The following GRK5 variants were observed in gnomAD, a reference collection of about 807,000 sequenced individuals.
GRK5 encodes the protein G protein-coupled receptor kinase 5, also known as g protein-coupled receptor kinase GRK5.
Under a neutral mutation model 78.4 loss-of-function variants are expected in GRK5, and 40 were observed. The observed-to-expected ratio is 0.51, with a 90% CI of 0.40 to 0.66. The LOEUF (loss-of-function observed/expected upper bound fraction) is 0.66. Ranked by LOEUF, GRK5 falls within the 30% of genes least tolerant of loss-of-function variation. The pLI is 0.00. For synonymous variants in GRK5, 289 were observed against 296.8 expected (o/e 0.97, Z 0.27); for missense variants, 598 against 759.9 (o/e 0.79, Z 2.50).
rs376361864 is a variant in GRK5 at position 119,320,740 on chromosome 10, C to T, written c.53-5776C>T. 3.5e-4 allele frequency among the ~76,000 whole-genome samples: 54 copies of T among 152,330 alleles called. 2 individuals carry two copies. Among genetic ancestry groups the T allele is most frequent in the African/African-American group, 1.2e-3 (51 of 41,586 alleles). On this transcript the variant is annotated intron_variant, in intron 1 of 15. Coordinates refer to ENST00000392870, the MANE Select transcript of GRK5 (RefSeq NM_005308.3). ...AAATAAAGCTTAGGAAGACAGTCAC[C>T]GAGGCCCTGAATGGGACCAAGGAGA...
Position 119,253,850 on chromosome 10 carries a change from GT to G in GRK5, c.52+45882del, listed in dbSNP as rs1849239870. Reference sequence around the variant, plus strand: ...CCTGGTGGTTCTTTGCCCCAGGGGTGTGTGTGTGTGTGTGTGTGTGTGTACA... The same window carrying G: ...CCTGGTGGTTCTTTGCCCCAGGGGTGGTGTGTGTGTGTGTGTGTGTGTACA... On this transcript the variant is annotated intron_variant, in intron 1 of 15. Coordinates refer to ENST00000392870, the MANE Select transcript of GRK5 (RefSeq NM_005308.3). The surrounding 1 kb of genome is among the most constrained non-coding windows in gnomAD (Gnocchi z 5.7). Among the ~76,000 whole-genome samples, 90 of 5,058 alleles carry G rather than the reference GT, an allele frequency of 0.018. 1 individual carries two copies. Among genetic ancestry groups the G allele is most frequent in the Non-Finnish European group, 0.032 (77 of 2,400 alleles). The allele number at this position is 5,058 out of a possible 152,430, so 3.3% of individuals were successfully genotyped here.
At chr10:119,384,076 C>T (rs544499594) in intron 3 of GRK5, among the ~76,000 whole-genome samples, 1 of 152,202 alleles carries the variant, frequency 6.6e-6, no homozygotes, top group Non-Finnish European at 1.5e-5. Context: ...CGGAGTCTTT[C>T]TTCAGCTCTG....
intron 1 of GRK5, among the ~76,000 whole-genome samples, chr10:119,237,562 A>AT (rs1294398793): frequency 6.6e-6 from 1 of 152,216 alleles, no homozygotes; most frequent in African/African-American, 2.4e-5. Flanking sequence ...GATGGCAGGC[A>AT]TTGATTTGGA....
At chr10:119,283,192 A>G (rs1042602758) in intron 1 of GRK5, among the ~76,000 whole-genome samples, 5 of 152,024 alleles carry the variant, frequency 3.3e-5, no homozygotes, top group African/African-American at 1.2e-4. Flanking sequence ...CAAAAACAAC[A>G]TAGCAATATA....
intron 2 of GRK5, among the ~76,000 whole-genome samples, chr10:119,346,781 C>T (rs7912372): frequency 0.013 from 2,010 of 152,288 alleles, 37 homozygotes; most frequent in African/African-American, 0.041. Flanking sequence ...GCAGAGGCAA[C>T]GGGAGGAACC....
chr10:119,405,863 A>G (rs1250248664), intron 4 of GRK5, among the ~76,000 whole-genome samples: 2 of 152,236 alleles, frequency 1.3e-5, no homozygotes, highest in African/African-American at 4.8e-5. Flanking sequence ...TTTTCTTTAA[A>G]TCAACTTATC....
intron 12 of GRK5, among the ~76,000 whole-genome samples, chr10:119,444,883 T>C (rs1427001585): frequency 1.3e-5 from 2 of 152,180 alleles, no homozygotes; most frequent in Non-Finnish European, 2.9e-5. Flanking sequence ...TCCTGGGAGT[T>C]GATTAAAAGT....
At chr10:119,314,453 C>A (rs545570744) in intron 1 of GRK5, among the ~76,000 whole-genome samples, 1 of 152,210 alleles carries the variant, frequency 6.6e-6, no homozygotes, top group African/African-American at 2.4e-5. Context: ...GTGCCAGCCG[C>A]GGAATGCACC....
chr10:119,214,834 T>C (rs1358608237), intron 1 of GRK5, among the ~76,000 whole-genome samples: 1 of 152,224 alleles, frequency 6.6e-6, no homozygotes, highest in African/African-American at 2.4e-5. Context: ...ACTGTTTTTA[T>C]GAAGGTCTGT....
chr10:119,299,400 T>C (rs1391193943), intron 1 of GRK5, among the ~76,000 whole-genome samples: 1 of 149,194 alleles, frequency 6.7e-6, no homozygotes, highest in Non-Finnish European at 1.5e-5. Context: ...GCCACTGCAC[T>C]CCAGCCTGGG....
intron 1 of GRK5, among the ~76,000 whole-genome samples, chr10:119,257,416 T>C (rs190111218): frequency 1.3e-5 from 2 of 152,290 alleles, no homozygotes; most frequent in Admixed American, 1.3e-4. Flanking sequence ...GGAGGGAGTA[T>C]GTCTATTTCA....
intron 1 of GRK5, among the ~76,000 whole-genome samples, chr10:119,274,739 A>G (rs145585202): frequency 1.3e-5 from 2 of 152,226 alleles, no homozygotes; most frequent in East Asian, 3.9e-4. Context: ...CTGTCCCCTT[A>G]GCTGAGGGGC....
At chr10:119,380,144 A>G (rs184678743) in intron 2 of GRK5, among the ~76,000 whole-genome samples, 19 of 152,344 alleles carry the variant, frequency 1.2e-4, no homozygotes, top group African/African-American at 4.1e-4. Context: ...AATTTCTAAA[A>G]GTGTTCAAAC....
At chr10:119,278,052 G>A (rs910241357) in intron 1 of GRK5, among the ~76,000 whole-genome samples, 1 of 152,192 alleles carries the variant, frequency 6.6e-6, no homozygotes, top group African/African-American at 2.4e-5. Context: ...TTTCTCTTGA[G>A]TAAATACTTA....
At position 119,431,335 on chromosome 10, in the gene GRK5, G is replaced by A; in HGVS notation, c.598-52G>A. On this transcript the variant is annotated intron_variant, in intron 7 of 15. Coordinates refer to ENST00000392870, the MANE Select transcript of GRK5 (RefSeq NM_005308.3). The surrounding 1 kb of genome is among the most constrained non-coding windows in gnomAD (Gnocchi z 4.8). ...GTGGTCCCCGCCCTGGAGGAGCTCG[G>A]GGCAGGCCTCCACGGTGCTCCTGCC... is the stretch of plus-strand genomic sequence containing the variant. 2 of 1,579,912 alleles carry A rather than the reference G, an allele frequency of 1.3e-6. No individual in the cohort carries two copies. Among genetic ancestry groups the A allele is most frequent in the Non-Finnish European group, 1.7e-6 (2 of 1,162,770 alleles).
chr10:119,441,134 G>T (rs975151432), intron 10 of GRK5, among the ~76,000 whole-genome samples: 2 of 152,224 alleles, frequency 1.3e-5, no homozygotes, highest in African/African-American at 4.8e-5. Context: ...GCCCAGGCCT[G>T]CCGCCCCTCT....
chr10:119,396,621 G>A, intron 3 of GRK5, 74 bp from the exon 4 acceptor site: 3 of 1,255,444 alleles, frequency 2.4e-6, no homozygotes, highest in Admixed American at 1.7e-5. Flanking sequence ...TTCCTCCAGG[G>A]GCTGTGAGGT....
At chr10:119,221,165 A>G (rs1848651703) in intron 1 of GRK5, among the ~76,000 whole-genome samples, 1 of 152,182 alleles carries the variant, frequency 6.6e-6, no homozygotes, top group Non-Finnish European at 1.5e-5. Context: ...CGGAAAAAAA[A>G]AAAAGTCCAA....
At chr10:119,322,232 C>T (rs554788378) in intron 1 of GRK5, among the ~76,000 whole-genome samples, 2 of 152,350 alleles carry the variant, frequency 1.3e-5, no homozygotes, top group South Asian at 2.1e-4. Flanking sequence ...GGATTACAGG[C>T]ATGAGCCACC....
Sources: gnomAD v4.1 joint callset for allele counts (sites outside exome capture counted in the v4.1 genomes callset) on GRCh38, gnomAD v4.1.1 for gene constraint, Gnocchi (gnomAD v3.1) non-coding constraint, MANE v1.5 for transcripts, NCBI Gene and HGNC (gene_info 2026-07-23, HGNC 2026-07-21) for gene names.